CLSTN2: variants seen among roughly 807,000 people sequenced by gnomAD.
The protein encoded by CLSTN2 is calsyntenin 2.
Under a neutral mutation model 101.2 loss-of-function variants are expected in CLSTN2, and 48 were observed. That is an observed-to-expected ratio of 0.47 (90% confidence interval 0.38 to 0.60). The LOEUF (loss-of-function observed/expected upper bound fraction) is 0.60. Ranked by LOEUF, CLSTN2 falls within the 20% of genes least tolerant of loss-of-function variation. The pLI is 0.00. For synonymous variants in CLSTN2, 481 were observed against 463.6 expected (o/e 1.04, Z -0.48); for missense variants, 1,160 against 1,238.2 (o/e 0.94, Z 0.95).
At chr3:140,313,048 T>A (rs891891520) in intron 2 of CLSTN2, among the ~76,000 whole-genome samples, 1 of 152,204 alleles carries the variant, frequency 6.6e-6, no homozygotes, top group Non-Finnish European at 1.5e-5. Flanking sequence ...GGCAATTATA[T>A]TCACTGAATC....
rs373614173 is a variant in CLSTN2, at chr3:140,482,521, C to T, written c.1344+15790C>T. On this transcript the variant is annotated intron_variant, in intron 8 of 16. Coordinates refer to ENST00000458420, the MANE Select transcript of CLSTN2 (RefSeq NM_022131.3). ...TTGGAAGTTTCAGAAGGAATGGTAC[C>T]AGCTCCTCCTTGTACCTCTGGTAGA... is the stretch of plus-strand genomic sequence containing the variant. Among the ~76,000 whole-genome samples, 38 of 152,266 alleles carry T rather than the reference C, an allele frequency of 2.5e-4. No individual in the cohort carries two copies. In the South Asian group the frequency reaches 6.9e-3, roughly 27 times the overall value.
chr3:140,285,522 A>G (rs1439111400), intron 2 of CLSTN2, among the ~76,000 whole-genome samples: 2 of 152,008 alleles, frequency 1.3e-5, no homozygotes, highest in Non-Finnish European at 2.9e-5. Context: ...CTGATGGGAT[A>G]CTCCTGTGTA....
At chr3:140,537,178 C>A (rs961290974) in intron 9 of CLSTN2, among the ~76,000 whole-genome samples, 4 of 152,154 alleles carry the variant, frequency 2.6e-5, no homozygotes, top group Non-Finnish European at 2.9e-5. Flanking sequence ...AACTAGCTCC[C>A]ATTTGTGAAA....
At chr3:140,347,672 T>C (rs1305819700) in intron 2 of CLSTN2, among the ~76,000 whole-genome samples, 6 of 152,218 alleles carry the variant, frequency 3.9e-5, no homozygotes, top group Non-Finnish European at 5.9e-5. Context: ...CTCTCAGGAA[T>C]TATTGTTAAT....
intron 9 of CLSTN2, among the ~76,000 whole-genome samples, chr3:140,535,159 A>G (rs1935333758): frequency 6.6e-6 from 1 of 152,212 alleles, no homozygotes; most frequent in Admixed American, 6.5e-5. Context: ...CACACATACC[A>G]TACAACAGTA....
intron 5 of CLSTN2, among the ~76,000 whole-genome samples, chr3:140,424,438 CA>C (rs1336592461): frequency 6.6e-6 from 1 of 152,196 alleles, no homozygotes; most frequent in Non-Finnish European, 1.5e-5. Flanking sequence ...TCCACTTGGA[CA>C]ACCCTCAACT....
intron 1 of CLSTN2, among the ~76,000 whole-genome samples, chr3:139,978,045 C>A (rs557663315): frequency 1.3e-4 from 20 of 152,194 alleles, no homozygotes; most frequent in African/African-American, 4.8e-4. Context: ...TCTGGGGAAC[C>A]CTGTGCCAAA....
intron 1 of CLSTN2, among the ~76,000 whole-genome samples, chr3:139,996,713 T>C (rs930775558): frequency 6.6e-6 from 1 of 152,238 alleles, no homozygotes; most frequent in Non-Finnish European, 1.5e-5. Flanking sequence ...TTAGCATTTC[T>C]TCATATGTTA....
chr3:140,536,120 TA>T (rs112885962), intron 9 of CLSTN2, among the ~76,000 whole-genome samples: 1 of 151,848 alleles, frequency 6.6e-6, no homozygotes, highest in Non-Finnish European at 1.5e-5. Context: ...GCTTTGGGGT[TA>T]AAAAAAAGTG....
At chr3:139,964,213 C>T (rs1276517296) in intron 1 of CLSTN2, among the ~76,000 whole-genome samples, 1 of 152,196 alleles carries the variant, frequency 6.6e-6, no homozygotes, top group Non-Finnish European at 1.5e-5. Flanking sequence ...GCCGTACTCT[C>T]CTCCCTCAGC....
chr3:140,331,534 C>T (rs909142475), intron 2 of CLSTN2, among the ~76,000 whole-genome samples: 1 of 152,204 alleles, frequency 6.6e-6, no homozygotes, highest in Non-Finnish European at 1.5e-5. Flanking sequence ...ACTCCTTTTC[C>T]TAACACAAAA....
chr3:140,522,086 CAA>C (rs1935042088), intron 8 of CLSTN2, among the ~76,000 whole-genome samples: 1 of 152,168 alleles, frequency 6.6e-6, no homozygotes, highest in African/African-American at 2.4e-5. Flanking sequence ...CTGCAGGTTG[CAA>C]AAATCTGTGG....
intron 1 of CLSTN2, among the ~76,000 whole-genome samples, chr3:140,052,357 C>T (rs184600696): frequency 3.6e-4 from 55 of 152,224 alleles, no homozygotes; most frequent in Middle Eastern, 3.4e-3. Context: ...AGGGTTTTAC[C>T]GTATTGGCCA....
intron 2 of CLSTN2, among the ~76,000 whole-genome samples, chr3:140,386,446 TGTA>T (rs772725388): frequency 6.6e-5 from 10 of 152,064 alleles, no homozygotes; most frequent in Admixed American, 1.3e-4. Flanking sequence ...GCAGATGAAA[TGTA>T]GTTGTATTCA....
intron 1 of CLSTN2, among the ~76,000 whole-genome samples, chr3:140,142,251 T>G (rs2009713426): frequency 6.6e-6 from 1 of 152,148 alleles, no homozygotes; most frequent in South Asian, 2.1e-4. Flanking sequence ...GTGGTTTCAT[T>G]GTTAATTTCA....
chr3:140,155,162 T>C (rs769893575), intron 1 of CLSTN2, among the ~76,000 whole-genome samples: 4 of 152,150 alleles, frequency 2.6e-5, no homozygotes, highest in African/African-American at 4.8e-5. Flanking sequence ...TGGAAAGGGA[T>C]TGCCGATGAT....
chr3:140,199,821 G>T (rs1053518111), intron 2 of CLSTN2, among the ~76,000 whole-genome samples: 5 of 152,196 alleles, frequency 3.3e-5, no homozygotes, highest in Non-Finnish European at 7.3e-5. Flanking sequence ...AGTGCCCCTG[G>T]CCATCAGGTG....
chr3:140,319,030 T>A (rs2087257930), intron 2 of CLSTN2, among the ~76,000 whole-genome samples: 1 of 152,202 alleles, frequency 6.6e-6, no homozygotes, highest in South Asian at 2.1e-4. Context: ...AGTTAAATTA[T>A]CCCTGAATTT....
chr3:140,247,230 T>C (rs146281583), intron 2 of CLSTN2, among the ~76,000 whole-genome samples: 3 of 152,304 alleles, frequency 2.0e-5, no homozygotes, highest in East Asian at 1.9e-4. Flanking sequence ...CTCTTTGTGG[T>C]TATACTGAGA....
Sources: gnomAD v4.1 joint callset for allele counts (sites outside exome capture counted in the v4.1 genomes callset) on GRCh38, gnomAD v4.1.1 for gene constraint, MANE v1.5 for transcripts, NCBI Gene and HGNC (gene_info 2026-07-23, HGNC 2026-07-21) for gene names.